The following PDE6B variants were observed in gnomAD, a reference collection of about 807,000 sequenced individuals.
The protein encoded by PDE6B is phosphodiesterase 6B.
Under a neutral mutation model 109.0 loss-of-function variants are expected in PDE6B, and 106 were observed. The observed-to-expected ratio is 0.97, with a 90% CI of 0.83 to 1.14. The LOEUF (loss-of-function observed/expected upper bound fraction) is 1.14, where lower values mean the gene tolerates loss of function less well. PDE6B is among the 50% of genes most tolerant of loss of function. PDE6B has a pLI of 0.00. For missense variants in PDE6B, 1,193 were observed against 1,155.6 expected (o/e 1.03, Z -0.47); for synonymous variants, 490 against 471.3 (o/e 1.04, Z -0.51).
At chr4:634,458 A>G in intron 1 of PDE6B, among the ~76,000 whole-genome samples, 1 of 152,068 alleles carries the variant, frequency 6.6e-6, no homozygotes, top group South Asian at 2.1e-4. Flanking sequence ...GGGGGGCACC[A>G]GCATCCTCCG....
In PDE6B at chr4:656,930, C is replaced by T. The variant is rs779243382; in HGVS notation, c.1164C>T (p.Ile388=). 1.3e-5 allele frequency: 21 copies of T among 1,612,802 alleles called. No individual in the cohort carries two copies. The highest frequency in any genetic ancestry group is 5.5e-5 in the South Asian group (5 of 91,084). Residue 388 remains isoleucine, a synonymous_variant, in exon 9 of 22, where the codon ATC becomes ATT. Coordinates refer to ENST00000496514, the MANE Select transcript of PDE6B (RefSeq NM_000283.4). The part of the protein sequence containing the change: ...WLIKNVLSMP[I]VNKKEEIVGV... ...TCAAGAATGTGCTGTCCATGCCCAT[C>T]GTCAACAAGAAGGAGGAGATTGTGG...
chr4:663,809 G>A lies in PDE6B; in HGVS notation c.1960G>A (p.Glu654Lys), dbSNP rs766224891. ...CCAGAACCTGAACCGGCGGCAGCAC[G>A]AGCACGTGATCCACCTGATGGACAT... is the stretch of plus-strand genomic sequence containing the variant. ...IYQNLNRRQH[E>K]HVIHLMDIAI... The change falls in exon 16 of 22, where the codon GAG becomes AAG. Residue 654 changes from glutamate to lysine, a missense_variant. By Grantham distance (56) the Glu-to-Lys change is moderately conservative (BLOSUM62 1). Coordinates refer to ENST00000496514, the MANE Select transcript of PDE6B (RefSeq NM_000283.4). This position sits in a 1 kb window ranked among gnomAD's most constrained non-coding sequence, Gnocchi z 4.0. 8 of 1,612,180 alleles carry A rather than the reference G, an allele frequency of 5.0e-6. No homozygotes were observed. The highest frequency in any genetic ancestry group is 2.7e-5 in the African/African-American group (2 of 74,928).
Position 663,845 on chromosome 4 carries a change from G to A in PDE6B, c.1996G>A (p.Ala666Thr), listed in dbSNP as rs779474710. The A allele has an allele frequency of 6.0e-5, 96 of 1,611,866 alleles. No individual in the cohort carries two copies. In the South Asian group the frequency reaches 9.7e-4, roughly 16 times the overall value. ...CCACCTGATGGACATCGCCATCATCGCCACGGACCTGGCCCTGTACTTCAA... is the reference window on the plus strand; with the variant it reads ...CCACCTGATGGACATCGCCATCATCACCACGGACCTGGCCCTGTACTTCAA... ...VIHLMDIAII[A>T]TDLALYFKKR... is the part of the protein sequence containing the mutation. Residue 666 changes from alanine to threonine, a missense_variant, in exon 16 of 22, where the codon GCC (alanine) becomes ACC (threonine). Physicochemically the swap from Ala to Thr is moderately conservative, Grantham distance 58. Coordinates refer to ENST00000496514, the MANE Select transcript of PDE6B (RefSeq NM_000283.4). The surrounding 1 kb of genome is among the most constrained non-coding windows in gnomAD (Gnocchi z 4.0).
chr4:628,211 A>G (rs1031709628), intron 1 of PDE6B, among the ~76,000 whole-genome samples: 10 of 152,254 alleles, frequency 6.6e-5, no homozygotes, highest in Non-Finnish European at 1.2e-4. Context: ...CATGAAGTGC[A>G]TCTCAGCACC....
rs2109207796 is a variant in PDE6B, at chr4:655,978, T to C, written c.1031T>C (p.Leu344Pro). 1.2e-6 allele frequency: 2 copies of C among 1,611,266 alleles called. No individual in the cohort carries two copies. Among genetic ancestry groups the C allele is most frequent in the East Asian group, 4.5e-5 (2 of 44,880 alleles). Reference sequence around the variant, plus strand: ...GATCACTGGGCCCTGGCCAGCGGCCTTCCAAGCTACGTGGCAGAAAGCGGC... The same window carrying C: ...GATCACTGGGCCCTGGCCAGCGGCCCTCCAAGCTACGTGGCAGAAAGCGGC... ...SADHWALASG[L>P]PSYVAESGFI... The change falls in exon 7 of 22, where the codon CTT becomes CCT. Residue 344 changes from leucine to proline, a missense_variant. Transcript: ENST00000496514.
chr4:665,318 C>T lies in PDE6B; in HGVS notation c.2257C>T (p.Gln753Ter), dbSNP rs779052095. Residue 753 changes from glutamine (Q) to a stop codon, truncating the protein, a stop_gained, in exon 19 of 22, where the codon CAG becomes TAG. Coordinates refer to ENST00000496514, the MANE Select transcript of PDE6B (RefSeq NM_000283.4). LOFTEE classifies it high-confidence loss of function. This position sits in a 1 kb window ranked among gnomAD's most constrained non-coding sequence, Gnocchi z 4.0. ...TGACTTGGAAAGGACAGTCTTGGATCAGCAGCCCATTGTGAGTGCTGCTTC... is the reference window on the plus strand; with the variant it reads ...TGACTTGGAAAGGACAGTCTTGGATTAGCAGCCCATTGTGAGTGCTGCTTC... ...QGDLERTVLD[Q>*]QPIPMMDRNK... is the part of the protein sequence containing the mutation. 6.2e-7 allele frequency: 1 copy of T among 1,610,936 alleles called. No homozygotes were observed. The highest frequency in any genetic ancestry group is 8.5e-7 in the Non-Finnish European group (1 of 1,177,944).
At chr4:641,117 C>G (rs1311782863) in intron 3 of PDE6B, among the ~76,000 whole-genome samples, 2 of 152,186 alleles carry the variant, frequency 1.3e-5, no homozygotes, top group African/African-American at 2.4e-5. Flanking sequence ...ATCTGTAGAT[C>G]AAGTTGGGAA....
At chr4:668,389 G>A (rs540307880) in intron 21 of PDE6B, among the ~76,000 whole-genome samples, 2 of 151,344 alleles carry the variant, frequency 1.3e-5, no homozygotes, top group South Asian at 2.1e-4. Flanking sequence ...CTGAGGTTTG[G>A]CTTGCTATTC....
At position 656,451 on chromosome 4, in the gene PDE6B, G is replaced by C. The variant is rs529640312; in HGVS notation, c.1107+159G>C. On this transcript the variant is annotated intron_variant, in intron 8 of 21. Transcript: ENST00000496514. Reference sequence around the variant, plus strand: ...TCCCAGCACTTTGGGAGGCTGAGGCGGGTGGATCACCTGGGGCTGTGACCA... The same window carrying C: ...TCCCAGCACTTTGGGAGGCTGAGGCCGGTGGATCACCTGGGGCTGTGACCA... Among the ~76,000 whole-genome samples, 560 of 152,246 alleles carry C rather than the reference G, an allele frequency of 3.7e-3. 1 individual carries two copies. Among genetic ancestry groups the C allele is most frequent in the African/African-American group, 0.013 (532 of 41,546 alleles).
intron 3 of PDE6B, among the ~76,000 whole-genome samples, chr4:637,924 AC>A (rs376557780): frequency 3.0e-3 from 461 of 152,306 alleles, no homozygotes; most frequent in Non-Finnish European, 4.9e-3. Flanking sequence ...ATTGTCTGAT[AC>A]CAGCGCAGGG....
intron 3 of PDE6B, among the ~76,000 whole-genome samples, chr4:645,220 T>C (rs1167855876): frequency 6.6e-6 from 1 of 151,994 alleles, no homozygotes; most frequent in African/African-American, 2.4e-5. Context: ...AGACAACATA[T>C]ATAGGGTCAG....
At chr4:644,168 C>T (rs1170132228) in intron 3 of PDE6B, among the ~76,000 whole-genome samples, 3 of 151,984 alleles carry the variant, frequency 2.0e-5, no homozygotes, top group African/African-American at 2.4e-5. Flanking sequence ...CTGCCCGCCT[C>T]GGCCTCCCAA....
In PDE6B at chr4:661,060, T is replaced by C. The variant is rs1279179477; in HGVS notation, c.1614+447T>C. 139 of 208,596 alleles carry C rather than the reference T, an allele frequency of 6.7e-4. 1 individual carries two copies. Among genetic ancestry groups the C allele is most frequent in the Non-Finnish European group, 1.2e-3 (119 of 101,778 alleles). 12.9% of individuals were successfully genotyped at this position (208,596 alleles called of 1,614,324 possible). Reference sequence around the variant, plus strand: ...GATGGGTGAGTGGGCCAATGGTAGTTAGATGGTTGGATAAGTGAATGGATA... The same window carrying C: ...GATGGGTGAGTGGGCCAATGGTAGTCAGATGGTTGGATAAGTGAATGGATA... On this transcript the variant is annotated intron_variant, in intron 12 of 21. Transcript: ENST00000496514.
intron 7 of PDE6B, 57 bp downstream of exon 7, chr4:656,063 G>T: frequency 8.5e-7 from 1 of 1,181,540 alleles, no homozygotes; most frequent in Non-Finnish European, 1.3e-6. Flanking sequence ...GTGCGGCGAT[G>T]TGTGCTTCTC....
Position 625,680 on chromosome 4 carries a change from T to A in PDE6B, c.54T>A (p.Phe18Leu). The change falls in exon 1 of 22, where the codon TTT becomes TTA. Residue 18 changes from phenylalanine to leucine, a missense_variant. Coordinates refer to ENST00000496514, the MANE Select transcript of PDE6B (RefSeq NM_000283.4). This position sits in a 1 kb window ranked among gnomAD's most constrained non-coding sequence, Gnocchi z 5.0. ...GCTTTCTGGACCAGAACCCCGATTT[T>A]GCCCGCCAGTACTTTGGGAAGAAAC... ...ARSFLDQNPD[F>L]ARQYFGKKLS... is the part of the protein sequence containing the mutation. 6.2e-7 allele frequency: 1 copy of A among 1,613,934 alleles called. No individual in the cohort carries two copies. The highest frequency in any genetic ancestry group is 8.5e-7 in the Non-Finnish European group (1 of 1,180,000).
rs1240839303 is a variant in PDE6B at position 648,289 on chromosome 4, A to G, written c.712-5563A>G. Among the ~76,000 whole-genome samples the G allele has an allele frequency of 2.6e-5, 4 of 152,088 alleles. No individual in the cohort carries two copies. The highest frequency in any genetic ancestry group is 9.7e-5 in the African/African-American group (4 of 41,334). On this transcript the variant is annotated intron_variant, in intron 3 of 21. Transcript: ENST00000496514. This position sits in a 1 kb window ranked among gnomAD's most constrained non-coding sequence, Gnocchi z 4.5. ...TGAGACTTTCGATTTTGCACCAGAC[A>G]TTGCCCAGTCCTAGGAAAAGCTGTT...
intron 6 of PDE6B, chr4:655,614 C>T: frequency 4.4e-6 from 2 of 453,850 alleles, no homozygotes; most frequent in Non-Finnish European, 8.2e-6. Context: ...CTCCAACCCA[C>T]GCCCTGGCCT....
rs1370840780 is a variant in PDE6B at position 666,456 on chromosome 4, G to T, written c.2269-75G>T. ...CTCCATGAGCACATCTGAGTGAGGG[G>T]GTCGGGGGGCTGGGCGGGGCCCCAG... On this transcript the variant is annotated intron_variant, in intron 19 of 21. Coordinates refer to ENST00000496514, the MANE Select transcript of PDE6B (RefSeq NM_000283.4). This position sits in a 1 kb window ranked among gnomAD's most constrained non-coding sequence, Gnocchi z 5.6. 1.8e-5 allele frequency: 17 copies of T among 935,138 alleles called. No individual in the cohort carries two copies. The highest frequency in any genetic ancestry group is 2.7e-5 in the Non-Finnish European group (15 of 564,010). 57.9% of individuals were successfully genotyped at this position (935,138 alleles called of 1,614,324 possible). A position where few individuals can be genotyped will look rare whatever the true frequency, so the allele number is the denominator to read the frequency against.
chr4:631,938 C>T lies in PDE6B; in HGVS notation c.469-2739C>T, dbSNP rs1232927172. ...TCATGTGTCACCATCTGAGGGTCAT[C>T]CTGTGTGGAACTGTGTGGCACCATC... On this transcript the variant is annotated intron_variant, in intron 1 of 21. Coordinates refer to ENST00000496514, the MANE Select transcript of PDE6B (RefSeq NM_000283.4). Among the ~76,000 whole-genome samples the T allele has an allele frequency of 3.0e-5, 4 of 134,814 alleles. 1 individual carries two copies. In the Admixed American group the frequency reaches 3.0e-4, roughly 10 times the overall value. 88.4% of individuals were successfully genotyped at this position (134,814 alleles called of 152,430 possible).
Sources: allele counts gnomAD v4.1 joint callset (sites outside exome capture counted in the v4.1 genomes callset), GRCh38; gene constraint gnomAD v4.1.1; non-coding constraint Gnocchi (gnomAD v3.1); transcripts MANE v1.5; gene names NCBI Gene and HGNC (gene_info 2026-07-23, HGNC 2026-07-21).